MPHOSPH10: variants seen among roughly 807,000 people sequenced by gnomAD.
The protein encoded by MPHOSPH10 is M-phase phosphoprotein 10.
In MPHOSPH10, 33 loss-of-function variants were observed where a neutral mutation model predicts 77.3. The ratio of observed to expected loss-of-function variants is 0.43; its 90% confidence interval spans 0.32 to 0.57. MPHOSPH10 has a LOEUF of 0.57. Among genes scored for constraint, MPHOSPH10 ranks in the 20% least tolerant of loss-of-function variants. The pLI is 0.07. For synonymous variants in MPHOSPH10, 245 were observed against 268.0 expected (o/e 0.91, Z 0.84); for missense variants, 708 against 780.1 (o/e 0.91, Z 1.10).
chr2:71,134,074 G>C lies in MPHOSPH10; in HGVS notation c.895G>C (p.Glu299Gln), dbSNP rs1284061877. ...CAAAGAAGATGATGAAATTGCTGAA[G>C]AAGAAGCAGAAGAACTAAGTATTTC... is the stretch of plus-strand genomic sequence containing the variant. ...SNKEDDEIAEEEAEELSISET... is the reference protein window; with the variant it reads ...SNKEDDEIAEQEAEELSISET... The change falls in exon 3 of 11, where the codon GAA becomes CAA. Residue 299 changes from glutamate (E) to glutamine (Q), a missense_variant. By Grantham distance (29) the Glu-to-Gln change is conservative (BLOSUM62 2). This residue lies in a region of MPHOSPH10 where 433 missense variants were observed against 432.6 expected (regional missense o/e 1.00). Transcript: ENST00000244230. 1 of 1,607,970 alleles carries C rather than the reference G, an allele frequency of 6.2e-7. No individual in the cohort carries two copies. Among genetic ancestry groups the C allele is most frequent in the Admixed American group, 1.7e-5 (1 of 58,902 alleles).
chr2:71,147,677 G>GA (rs557385218), intron 8 of MPHOSPH10, among the ~76,000 whole-genome samples: 5,995 of 141,564 alleles, frequency 0.042, 340 homozygotes, highest in African/African-American at 0.14. Flanking sequence ...TGTCTCAAAA[G>GA]AAAAAAAAAA....
rs1673540814 is a variant in MPHOSPH10, at chr2:71,138,515, A to G, written c.1124A>G (p.Glu375Gly). The change falls in exon 5 of 11, where the codon GAA becomes GGA. Residue 375 changes from glutamate to glycine, a missense_variant. Physicochemically the swap from Glu to Gly is moderately conservative, Grantham distance 98. Transcript: ENST00000244230. ...EKMNEKIASL[E>G]KELLEKKPWQ... ...ATGAATGAAAAAATTGCATCTTTAG[A>G]AAAAGAGTTGTTAGAAAAAAAGCCG... 4 of 1,592,562 alleles carry G rather than the reference A, an allele frequency of 2.5e-6. No individual in the cohort carries two copies. Among genetic ancestry groups the G allele is most frequent in the Non-Finnish European group, 3.4e-6 (4 of 1,171,538 alleles).
intron 8 of MPHOSPH10, among the ~76,000 whole-genome samples, chr2:71,145,505 T>G (rs1014810379): frequency 1.1e-4 from 13 of 113,692 alleles, no homozygotes; most frequent in Non-Finnish European, 2.3e-4. Context: ...TTTTTGTTTG[T>G]TTGGTTTTTT....
intron 7 of MPHOSPH10, 85 bp downstream of exon 7, chr2:71,141,454 A>G: frequency 8.5e-7 from 1 of 1,174,934 alleles, no homozygotes; most frequent in Non-Finnish European, 1.1e-6. Flanking sequence ...GAAATCGTGA[A>G]ACAGAAATCT....
intron 5 of MPHOSPH10, chr2:71,139,262 C>T (rs1673564591): frequency 6.3e-6 from 1 of 159,636 alleles, no homozygotes; most frequent in Admixed American, 6.0e-5. Flanking sequence ...AGAACTAGGA[C>T]ATTCTCCTAT....
chr2:71,143,293 C>T (rs1339444715), intron 7 of MPHOSPH10, among the ~76,000 whole-genome samples: 5 of 151,832 alleles, frequency 3.3e-5, no homozygotes, highest in Admixed American at 1.3e-4. Context: ...CCACCAAGCC[C>T]GTCTAATTTT....
chr2:71,134,143 A>G, intron 3 of MPHOSPH10, 38 bp downstream of exon 3: 1 of 1,575,424 alleles, frequency 6.3e-7, no homozygotes, highest in South Asian at 1.2e-5. Flanking sequence ...TGTAAGCTGG[A>G]ATTGCCCAAT....
chr2:71,142,579 TG>T (rs1673632704), intron 7 of MPHOSPH10, among the ~76,000 whole-genome samples: 1 of 152,242 alleles, frequency 6.6e-6, no homozygotes, highest in Non-Finnish European at 1.5e-5. Flanking sequence ...AAACAGCACA[TG>T]TAGGACCCTT....
Position 71,141,389 on chromosome 2 carries a change from C to T in MPHOSPH10, c.1446+20C>T. 1 of 1,441,368 alleles carries T rather than the reference C, an allele frequency of 6.9e-7. No homozygotes were observed. The highest frequency in any genetic ancestry group is 9.1e-7 in the Non-Finnish European group (1 of 1,099,094). The allele number at this position is 1,441,368 out of a possible 1,614,324, so 89.3% of individuals were successfully genotyped here. On this transcript the variant is annotated intron_variant, in intron 7 of 10. Coordinates refer to ENST00000244230, the MANE Select transcript of MPHOSPH10 (RefSeq NM_005791.3). Reference sequence around the variant, plus strand: ...AACCAGGTGAGGAAGCCTGTAAGGCCAAGCCATTATTATTAAAGAAATAGA... The same window carrying T: ...AACCAGGTGAGGAAGCCTGTAAGGCTAAGCCATTATTATTAAAGAAATAGA...
chr2:71,146,261 T>C (rs1673704730), intron 8 of MPHOSPH10, among the ~76,000 whole-genome samples: 1 of 152,164 alleles, frequency 6.6e-6, no homozygotes, highest in Admixed American at 6.5e-5. Context: ...TATTACTTTT[T>C]TCATGTTCAG....
At chr2:71,142,163 T>A (rs1673626159) in intron 7 of MPHOSPH10, among the ~76,000 whole-genome samples, 1 of 152,224 alleles carries the variant, frequency 6.6e-6, no homozygotes, top group Admixed American at 6.5e-5. Flanking sequence ...ATGTGGGTAC[T>A]TAGGGATCAG....
intron 9 of MPHOSPH10, 44 bp downstream of exon 9, chr2:71,148,150 G>C: frequency 6.7e-7 from 1 of 1,499,608 alleles, no homozygotes; most frequent in Non-Finnish European, 9.3e-7. Context: ...TTACAAGTTA[G>C]TTGATCATAG....
At chr2:71,139,897 T>G in intron 6 of MPHOSPH10, 35 bp downstream of exon 6, 1 of 1,391,470 alleles carries the variant, frequency 7.2e-7, no homozygotes, top group Non-Finnish European at 1.0e-6. Flanking sequence ...AATCAAAATG[T>G]CACCAAGATT....
intron 8 of MPHOSPH10, among the ~76,000 whole-genome samples, chr2:71,147,685 AAAAG>A (rs1673742108): frequency 6.6e-6 from 1 of 152,004 alleles, no homozygotes; most frequent in Admixed American, 6.5e-5. Flanking sequence ...AAGAAAAAAA[AAAAG>A]AAAAAGAAAT....
intron 1 of MPHOSPH10, chr2:71,130,955 A>T (rs1266222065): frequency 3.5e-6 from 2 of 571,086 alleles, no homozygotes; most frequent in Non-Finnish European, 6.1e-6. Flanking sequence ...CTCTCAGTTG[A>T]GTGTTACTGA....
At position 71,141,350 on chromosome 2, in the gene MPHOSPH10, A is replaced by C; in HGVS notation, c.1427A>C (p.Glu476Ala). Residue 476 changes from glutamate (E) to alanine (A), a missense_variant, in exon 7 of 11, where the codon GAG becomes GCG. Glu to Ala is a moderately radical substitution (Grantham distance 107, BLOSUM62 -1). Around this residue, in one of 3 missense-constraint regions of MPHOSPH10, gnomAD observed 263 missense variants for 320.0 expected, o/e 0.82. Coordinates refer to ENST00000244230, the MANE Select transcript of MPHOSPH10 (RefSeq NM_005791.3). The stretch of plus-strand genomic sequence containing the variant: ...AGCCTTGCTGAAATTTATGAACAGG[A>C]GTACATCAAACTCAACCAGGTGAGG... ...KLSLAEIYEQ[E>A]YIKLNQQKTA... is the part of the protein sequence containing the mutation. 1 of 1,553,360 alleles carries C rather than the reference A, an allele frequency of 6.4e-7. No homozygotes were observed. The highest frequency in any genetic ancestry group is 8.7e-7 in the Non-Finnish European group (1 of 1,151,526).
intron 4 of MPHOSPH10, 45 bp from the exon 5 acceptor site, chr2:71,138,445 A>G (rs1449410957): frequency 1.4e-6 from 2 of 1,411,982 alleles, no homozygotes; most frequent in African/African-American, 2.9e-5. Context: ...CAAATATAAG[A>G]TTTTATTTTC....
At chr2:71,138,703 G>A (rs1300219914) in intron 5 of MPHOSPH10, 72 bp downstream of exon 5, 2 of 1,593,670 alleles carry the variant, frequency 1.3e-6, no homozygotes, top group Non-Finnish European at 1.7e-6. Context: ...AAGATTTGGG[G>A]TGGTGTTTCT....
chr2:71,141,805 G>A (rs539805621), intron 7 of MPHOSPH10, among the ~76,000 whole-genome samples: 49 of 152,154 alleles, frequency 3.2e-4, no homozygotes, highest in Non-Finnish European at 6.5e-4. Context: ...TGAGGCGGGC[G>A]GATTGCTTGA....
Sources: allele counts gnomAD v4.1 joint callset (sites outside exome capture counted in the v4.1 genomes callset), GRCh38; gene constraint gnomAD v4.1.1; regional missense constraint gnomAD v4.1.1; transcripts MANE v1.5; gene names NCBI Gene and HGNC (gene_info 2026-07-23, HGNC 2026-07-21).